SPIDR: variants seen among roughly 807,000 people sequenced by gnomAD.
SPIDR encodes the protein DNA repair-scaffolding protein.
A neutral mutation model predicts 104.6 loss-of-function variants in SPIDR; 93 were observed. The ratio of observed to expected loss-of-function variants is 0.89; its 90% CI spans 0.75 to 1.06. The LOEUF is 1.06. Ranked by LOEUF, SPIDR falls within the 50% of genes least tolerant of loss-of-function variation. The probability of loss-of-function intolerance (pLI) is 0.00; values close to 1 mark genes in which losing one functional copy is unlikely to be tolerated. For missense variants in SPIDR, 1,154 were observed against 1,111.2 expected, an observed-to-expected ratio of 1.04 and a Z score of -0.55; for synonymous variants, 431 against 416.9, an observed-to-expected ratio of 1.03 and a Z score of -0.41.
chr8:47,274,578 A>ATT (rs199833655), intron 1 of SPIDR, among the ~76,000 whole-genome samples: 1 of 145,040 alleles, frequency 6.9e-6, no homozygotes. Flanking sequence ...TTTCCTCAGA[A>ATT]TTTTTTTTTT....
intron 8 of SPIDR, among the ~76,000 whole-genome samples, chr8:47,520,870 A>G (rs1344048669): frequency 6.6e-6 from 1 of 152,180 alleles, no homozygotes; most frequent in East Asian, 1.9e-4. Context: ...AAATCTTAAC[A>G]AACTGGATGA....
intron 14 of SPIDR, among the ~76,000 whole-genome samples, chr8:47,708,877 A>G (rs1025186795): frequency 2.6e-5 from 4 of 151,868 alleles, no homozygotes; most frequent in Non-Finnish European, 5.9e-5. Flanking sequence ...ATAATGTTCC[A>G]TTGTCTGGAT....
intron 7 of SPIDR, among the ~76,000 whole-genome samples, chr8:47,417,171 T>G (rs546761699): frequency 2.0e-5 from 3 of 152,212 alleles, no homozygotes; most frequent in African/African-American, 7.2e-5. Context: ...CAAATGGTAT[T>G]TCTAGTTCTA....
chr8:47,364,200 T>G (rs918149141), intron 5 of SPIDR, among the ~76,000 whole-genome samples: 4 of 152,228 alleles, frequency 2.6e-5, no homozygotes, highest in African/African-American at 9.6e-5. Context: ...TAATCCTGTA[T>G]AGGCTTGAAA....
chr8:47,526,048 A>C (rs1266309873), intron 8 of SPIDR, among the ~76,000 whole-genome samples: 1 of 152,198 alleles, frequency 6.6e-6, no homozygotes, highest in Admixed American at 6.5e-5. Flanking sequence ...GCACCAGCCT[A>C]TGTGTCCTTA....
At chr8:47,566,805 TGTG>T (rs1238521256) in intron 8 of SPIDR, among the ~76,000 whole-genome samples, 1 of 151,986 alleles carries the variant, frequency 6.6e-6, no homozygotes, top group Non-Finnish European at 1.5e-5. Context: ...GTGAGCCTCT[TGTG>T]GGGATTGAAT....
chr8:47,682,011 C>G (rs1276138195), intron 11 of SPIDR, among the ~76,000 whole-genome samples: 1 of 151,736 alleles, frequency 6.6e-6, no homozygotes, highest in Non-Finnish European at 1.5e-5. Context: ...TGTGCTTAGA[C>G]CAGAAGAATA....
intron 8 of SPIDR, among the ~76,000 whole-genome samples, chr8:47,467,464 C>T (rs985744448): frequency 1.3e-5 from 2 of 152,060 alleles, no homozygotes; most frequent in African/African-American, 4.8e-5. Context: ...AAATCCTAAA[C>T]AAAATACTGA....
intron 10 of SPIDR, among the ~76,000 whole-genome samples, chr8:47,647,544 G>A (rs973895085): frequency 7.3e-5 from 11 of 151,696 alleles, no homozygotes; most frequent in African/African-American, 2.4e-4. Flanking sequence ...GAACTCAGGC[G>A]GCGGAGGTTG....
At chr8:47,561,231 C>G (rs1011686000) in intron 8 of SPIDR, among the ~76,000 whole-genome samples, 2 of 152,228 alleles carry the variant, frequency 1.3e-5, no homozygotes, top group African/African-American at 4.8e-5. Context: ...TATGAAGTAT[C>G]ATGTCTGTGT....
chr8:47,525,207 G>T (rs946035421), intron 8 of SPIDR, among the ~76,000 whole-genome samples: 2 of 152,182 alleles, frequency 1.3e-5, no homozygotes, highest in African/African-American at 4.8e-5. Context: ...CTCCTAAAGA[G>T]CAGGGAAAGA....
chr8:47,734,471 C>T (rs775579830), intron 19 of SPIDR, among the ~76,000 whole-genome samples: 2 of 152,156 alleles, frequency 1.3e-5, no homozygotes, highest in Non-Finnish European at 2.9e-5. Context: ...GACACCATAA[C>T]GATGGGAGGG....
chr8:47,297,731 G>C (rs2041159922), intron 5 of SPIDR, among the ~76,000 whole-genome samples: 2 of 152,090 alleles, frequency 1.3e-5, no homozygotes, highest in African/African-American at 4.8e-5. Flanking sequence ...CCTTGTGATA[G>C]TTTGCTGAGA....
chr8:47,704,166 T>G (rs1322140944), intron 14 of SPIDR, among the ~76,000 whole-genome samples: 1 of 152,254 alleles, frequency 6.6e-6, no homozygotes, highest in African/African-American at 2.4e-5. Flanking sequence ...TGCCAGCACA[T>G]AGAGTCTTGC....
chr8:47,513,848 A>G (rs1287627483), intron 8 of SPIDR, among the ~76,000 whole-genome samples: 1 of 152,178 alleles, frequency 6.6e-6, no homozygotes, highest in African/African-American at 2.4e-5. Flanking sequence ...AGGTGTGTCT[A>G]AATGTGTGTT....
At chr8:47,385,603 C>T (rs1554647694) in intron 5 of SPIDR, among the ~76,000 whole-genome samples, 1 of 152,230 alleles carries the variant, frequency 6.6e-6, no homozygotes, top group Non-Finnish European at 1.5e-5. Context: ...TGGCCAAGTG[C>T]TTCTGCCGGC....
At chr8:47,524,004 G>A (rs2084598899) in intron 8 of SPIDR, among the ~76,000 whole-genome samples, 1 of 152,170 alleles carries the variant, frequency 6.6e-6, no homozygotes, top group Non-Finnish European at 1.5e-5. Context: ...AGGATACCTG[G>A]TGTGGTAGCT....
intron 10 of SPIDR, among the ~76,000 whole-genome samples, chr8:47,619,339 G>C (rs551238097): frequency 6.6e-6 from 1 of 152,294 alleles, no homozygotes; most frequent in South Asian, 2.1e-4. Flanking sequence ...AATCTTAAGA[G>C]TTCAATTGGC....
chr8:47,609,393 G>A (rs979164146), intron 10 of SPIDR, among the ~76,000 whole-genome samples: 6 of 152,156 alleles, frequency 3.9e-5, no homozygotes, highest in Admixed American at 6.5e-5. Flanking sequence ...ATTTTGGTCT[G>A]TGATCCATTT....
Sources: gnomAD v4.1 joint callset for allele counts (sites outside exome capture counted in the v4.1 genomes callset) on GRCh38, gnomAD v4.1.1 for gene constraint, MANE v1.5 for transcripts, NCBI Gene and HGNC (gene_info 2026-07-23, HGNC 2026-07-21) for gene names.